The following PVT1 variants were observed in gnomAD, a reference collection of about 807,000 sequenced individuals.
PVT1 encodes Pvt1 oncogene.
chr8:127,956,816 G>T (rs1370093698), intron 3 of PVT1, among the ~76,000 whole-genome samples: 1 of 152,164 alleles, frequency 6.6e-6, no homozygotes, highest in Non-Finnish European at 1.5e-5. Context: ...ATGTTTCTCT[G>T]CAAAACTTGA....
chr8:127,976,743 G>C (rs1028948454), intron 3 of PVT1, among the ~76,000 whole-genome samples: 10 of 152,120 alleles, frequency 6.6e-5, no homozygotes, highest in Admixed American at 5.2e-4. Flanking sequence ...GCCTCAGGGA[G>C]GTGCTCGTTG....
chr8:127,970,929 C>T (rs1329608135), intron 3 of PVT1, among the ~76,000 whole-genome samples: 1 of 152,158 alleles, frequency 6.6e-6, no homozygotes, highest in Admixed American at 6.6e-5. Flanking sequence ...AATCAGGGGC[C>T]AGCAAACTGA....
intron 2 of PVT1, among the ~76,000 whole-genome samples, chr8:127,863,090 ATT>A (rs1344641802): frequency 8.0e-6 from 1 of 124,912 alleles, no homozygotes; most frequent in Non-Finnish European, 1.6e-5. Flanking sequence ...TTATTTATTT[ATT>A]TATTTATTTA....
At chr8:127,800,176 ATTAT>A (rs1814447348) in intron 2 of PVT1, among the ~76,000 whole-genome samples, 1 of 152,198 alleles carries the variant, frequency 6.6e-6, no homozygotes, top group African/African-American at 2.4e-5. Flanking sequence ...TAAAGCAATT[ATTAT>A]TTATTATTCT....
At chr8:127,813,796 G>A (rs757686436) in intron 2 of PVT1, among the ~76,000 whole-genome samples, 5 of 152,174 alleles carry the variant, frequency 3.3e-5, no homozygotes, top group East Asian at 1.9e-4. Flanking sequence ...GGGTGGTGAC[G>A]CAAACCACAT....
At chr8:128,053,772 T>A (rs1813728058) in intron 4 of PVT1, among the ~76,000 whole-genome samples, 1 of 152,224 alleles carries the variant, frequency 6.6e-6, no homozygotes, top group Non-Finnish European at 1.5e-5. Context: ...GTTCTCAGCA[T>A]CTGTCAGCAG....
chr8:127,831,732 A>C (rs1214816336), intron 2 of PVT1, among the ~76,000 whole-genome samples: 1 of 152,194 alleles, frequency 6.6e-6, no homozygotes, highest in African/African-American at 2.4e-5. Flanking sequence ...CATCACTTGC[A>C]ATGTTGCTAA....
At chr8:127,998,501 G>A (rs1345501382) in intron 4 of PVT1, 1 of 150,030 alleles carries the variant, frequency 6.7e-6, no homozygotes, top group Admixed American at 6.6e-5. Context: ...TCTTATTATG[G>A]GTCTTTCTTT....
intron 3 of PVT1, among the ~76,000 whole-genome samples, chr8:127,905,758 G>C (rs1163600380): frequency 6.6e-6 from 1 of 152,174 alleles, no homozygotes. Flanking sequence ...AGGAAATAGA[G>C]GTTGAGTCAA....
intron 2 of PVT1, among the ~76,000 whole-genome samples, chr8:127,838,729 A>G (rs1814936118): frequency 6.6e-6 from 1 of 152,088 alleles, no homozygotes; most frequent in Non-Finnish European, 1.5e-5. Context: ...TAATAATGGT[A>G]GCTTCTATTT....
intron 3 of PVT1, among the ~76,000 whole-genome samples, chr8:127,988,820 A>T (rs1046968137): frequency 3.9e-5 from 6 of 152,158 alleles, no homozygotes; most frequent in African/African-American, 1.2e-4. Context: ...GAAGAAGGTG[A>T]ATGAAAATGC....
rs566676819 is a variant in PVT1 at position 127,982,296 on chromosome 8, C to A, written n.783-6866C>A. ...ACATAAGGACTGGACTTTTGGTGAT[C>A]AAATCTAAACACTCTCCAGTAAAAT... On this transcript the variant is annotated intron_variant and non_coding_transcript_variant, in intron 3 of 10. Transcript: ENST00000651587. Among the ~76,000 whole-genome samples the A allele has an allele frequency of 3.3e-5, 5 of 152,248 alleles. No homozygotes were observed. The South Asian group carries it at 1.0e-3, about 32-fold the overall frequency.
chr8:127,935,563 G>C (rs1816262855), intron 3 of PVT1, among the ~76,000 whole-genome samples: 1 of 152,080 alleles, frequency 6.6e-6, no homozygotes, highest in South Asian at 2.1e-4. Flanking sequence ...TCACACAACT[G>C]ATAGATGACA....
At chr8:128,019,403 G>T (rs567536071) in intron 4 of PVT1, among the ~76,000 whole-genome samples, 1 of 152,266 alleles carries the variant, frequency 6.6e-6, no homozygotes, top group East Asian at 1.9e-4. Flanking sequence ...AAATGTAGTG[G>T]TGCACTGTTA....
At chr8:128,024,872 C>A (rs1195046776) in intron 4 of PVT1, among the ~76,000 whole-genome samples, 3 of 152,186 alleles carry the variant, frequency 2.0e-5, no homozygotes, top group Admixed American at 1.3e-4. Flanking sequence ...TTCATTCATT[C>A]ATTTATTTTT....
intron 2 of PVT1, among the ~76,000 whole-genome samples, chr8:127,841,276 TA>T (rs1396793435): frequency 2.6e-5 from 4 of 152,178 alleles, no homozygotes; most frequent in African/African-American, 7.2e-5. Context: ...TATTTTATTT[TA>T]TTTTTTTATT....
At chr8:128,087,747 C>CT (rs71568675) in intron 5 of PVT1, among the ~76,000 whole-genome samples, 9,398 of 76,576 alleles carry the variant, frequency 0.12, 1,175 homozygotes, top group East Asian at 0.23. Flanking sequence ...TGATGTGCTA[C>CT]TTTTTTTTTT....
Position 127,928,284 on chromosome 8 carries a change from C to G in PVT1, n.782+37286C>G, listed in dbSNP as rs1400330649. Among the ~76,000 whole-genome samples the G allele has an allele frequency of 2.0e-5, 3 of 152,062 alleles. No individual in the cohort carries two copies. In the East Asian group the frequency reaches 5.8e-4, roughly 29 times the overall value. On this transcript the variant is annotated intron_variant and non_coding_transcript_variant, in intron 3 of 10. Transcript: ENST00000651587. ...CTTGATAGGTTGATTTAACCAGAAT[C>G]CCCCTTACTCCTGATGTTGCCTGTT... is the stretch of plus-strand genomic sequence containing the variant.
intron 3 of PVT1, among the ~76,000 whole-genome samples, chr8:127,922,871 T>C (rs1234375542): frequency 6.6e-6 from 1 of 152,200 alleles, no homozygotes; most frequent in Non-Finnish European, 1.5e-5. Flanking sequence ...GGATAATCCC[T>C]GTGCATTAGC....
Sources: gnomAD v4.1 joint callset for allele counts (sites outside exome capture counted in the v4.1 genomes callset) on GRCh38, gnomAD v4.1.1 for gene constraint, MANE v1.5 for transcripts, NCBI Gene and HGNC (gene_info 2026-07-23, HGNC 2026-07-21) for gene names.